CNTN5: variants seen among roughly 807,000 people sequenced by gnomAD.
CNTN5 encodes contactin 5, also known as contactin-5.
A neutral mutation model predicts 129.1 loss-of-function variants in CNTN5; 77 were observed. The observed-to-expected ratio is 0.60, with a 90% CI of 0.50 to 0.72. The LOEUF (loss-of-function observed/expected upper bound fraction) is 0.72, where lower values mean the gene tolerates loss of function less well. Among genes scored for constraint, CNTN5 ranks in the 30% least tolerant of loss-of-function variants. CNTN5 has a pLI of 0.00. For missense variants in CNTN5, 1,478 were observed against 1,328.8 expected (o/e 1.11, Z -1.75); for synonymous variants, 509 against 465.6 (o/e 1.09, Z -1.20).
At chr11:99,534,959 A>G (rs11220339) in intron 2 of CNTN5, among the ~76,000 whole-genome samples, 37,674 of 151,950 alleles carry the variant, frequency 0.25, 5,124 homozygotes, top group Non-Finnish European at 0.31. Context: ...GAACTGAAAG[A>G]AGGCTAGTGG....
At chr11:99,700,769 A>G (rs547611958) in intron 3 of CNTN5, among the ~76,000 whole-genome samples, 4 of 151,362 alleles carry the variant, frequency 2.6e-5, no homozygotes, top group African/African-American at 4.8e-5. Flanking sequence ...AGGAATAGCA[A>G]TTTCATGCTA....
intron 2 of CNTN5, among the ~76,000 whole-genome samples, chr11:99,549,220 C>T (rs895525140): frequency 6.6e-6 from 1 of 152,054 alleles, no homozygotes; most frequent in Non-Finnish European, 1.5e-5. Flanking sequence ...CTGTAAGTGA[C>T]ATGACTCTTG....
chr11:99,885,664 C>T (rs1257696626), intron 6 of CNTN5, among the ~76,000 whole-genome samples: 2 of 152,078 alleles, frequency 1.3e-5, no homozygotes, highest in Non-Finnish European at 2.9e-5. Context: ...GCCAAATACG[C>T]ATCACTGCAC....
intron 1 of CNTN5, among the ~76,000 whole-genome samples, chr11:99,075,778 T>C (rs1379909308): frequency 6.6e-6 from 1 of 152,208 alleles, no homozygotes; most frequent in East Asian, 1.9e-4. Context: ...TATTGGTAGG[T>C]TATCAGTAAC....
intron 13 of CNTN5, among the ~76,000 whole-genome samples, chr11:100,100,368 C>T (rs1273194144): frequency 6.6e-6 from 1 of 152,118 alleles, no homozygotes; most frequent in Non-Finnish European, 1.5e-5. Context: ...TGTCTCTATA[C>T]ACCCATTTAT....
intron 1 of CNTN5, among the ~76,000 whole-genome samples, chr11:99,289,321 G>T (rs184815715): frequency 1.3e-5 from 2 of 151,718 alleles, no homozygotes; most frequent in East Asian, 3.9e-4. Flanking sequence ...AATTAGGAGG[G>T]ACTAGGCATA....
chr11:100,060,331 A>C (rs1591156840), intron 9 of CNTN5, among the ~76,000 whole-genome samples: 1 of 152,148 alleles, frequency 6.6e-6, no homozygotes, highest in Admixed American at 6.6e-5. Flanking sequence ...AAGCAGAATA[A>C]GTCAGGCTAA....
chr11:99,657,807 A>C (rs1952434661), intron 3 of CNTN5, among the ~76,000 whole-genome samples: 1 of 152,128 alleles, frequency 6.6e-6, no homozygotes, highest in Non-Finnish European at 1.5e-5. Context: ...AAAAAATTCA[A>C]GGAAAATTTG....
intron 2 of CNTN5, among the ~76,000 whole-genome samples, chr11:99,488,212 G>A (rs555634856): frequency 9.0e-4 from 114 of 126,104 alleles, no homozygotes; most frequent in Admixed American, 3.4e-3. Context: ...TCGCTCTGTC[G>A]TCCAGGCTGG....
intron 1 of CNTN5, among the ~76,000 whole-genome samples, chr11:99,089,406 C>T (rs61891142): frequency 1.8e-4 from 28 of 152,236 alleles, no homozygotes; most frequent in African/African-American, 5.8e-4. Context: ...TCTCATTTAA[C>T]GCTTTAATCC....
At chr11:99,266,210 A>G (rs1232987424) in intron 1 of CNTN5, among the ~76,000 whole-genome samples, 2 of 152,134 alleles carry the variant, frequency 1.3e-5, no homozygotes, top group East Asian at 1.9e-4. Context: ...TAAGTACATA[A>G]TATCAATACA....
chr11:99,541,785 T>C (rs963195639), intron 2 of CNTN5, among the ~76,000 whole-genome samples: 3 of 151,440 alleles, frequency 2.0e-5, no homozygotes, highest in Admixed American at 2.0e-4. Flanking sequence ...CTCGTCTCTA[T>C]GGAAAATCAA....
At chr11:100,275,683 C>T (rs1194571853) in intron 18 of CNTN5, among the ~76,000 whole-genome samples, 1 of 152,182 alleles carries the variant, frequency 6.6e-6, no homozygotes, top group African/African-American at 2.4e-5. Context: ...TATTGCCTGT[C>T]TCTATTTTAT....
At chr11:99,523,748 C>T (rs1947379094) in intron 2 of CNTN5, among the ~76,000 whole-genome samples, 1 of 151,772 alleles carries the variant, frequency 6.6e-6, no homozygotes, top group Non-Finnish European at 1.5e-5. Flanking sequence ...GTTTTTGTAT[C>T]CTCGGTTCCC....
At chr11:99,406,854 G>A (rs1205918292) in intron 2 of CNTN5, among the ~76,000 whole-genome samples, 8 of 152,182 alleles carry the variant, frequency 5.3e-5, no homozygotes, top group Admixed American at 5.2e-4. Context: ...CTCATCGGGA[G>A]TACTGCCAGA....
intron 3 of CNTN5, among the ~76,000 whole-genome samples, chr11:99,718,883 A>G (rs1406658960): frequency 6.6e-6 from 1 of 152,128 alleles, no homozygotes; most frequent in African/African-American, 2.4e-5. Context: ...TTTCAATTCT[A>G]TCTACTGTAC....
At chr11:99,862,651 T>C (rs1273878709) in intron 6 of CNTN5, among the ~76,000 whole-genome samples, 2 of 152,094 alleles carry the variant, frequency 1.3e-5, no homozygotes, top group Non-Finnish European at 2.9e-5. Flanking sequence ...TTATTAATTA[T>C]ATCTAATTTT....
chr11:99,616,542 G>A (rs1950765561), intron 3 of CNTN5, among the ~76,000 whole-genome samples: 1 of 152,244 alleles, frequency 6.6e-6, no homozygotes, highest in Admixed American at 6.5e-5. Flanking sequence ...ATATAGATAT[G>A]AATAGAATAT....
intron 21 of CNTN5, among the ~76,000 whole-genome samples, chr11:100,316,007 A>G (rs1042130567): frequency 6.6e-6 from 1 of 152,210 alleles, no homozygotes; most frequent in Non-Finnish European, 1.5e-5. Flanking sequence ...AGCCCATACA[A>G]GTAAATTATT....
Sources: allele counts gnomAD v4.1 joint callset (sites outside exome capture counted in the v4.1 genomes callset), GRCh38; gene constraint gnomAD v4.1.1; transcripts MANE v1.5; gene names NCBI Gene and HGNC (gene_info 2026-07-23, HGNC 2026-07-21).